The following ADAMTSL1 variants were observed in gnomAD, a reference collection of about 807,000 sequenced individuals.
ADAMTSL1 encodes the protein ADAMTS like 1.
Under a neutral mutation model 201.8 loss-of-function variants are expected in ADAMTSL1, and 126 were observed. That is an observed-to-expected ratio of 0.62 (90% CI 0.54 to 0.72). ADAMTSL1 has a LOEUF of 0.72. Ranked by LOEUF, ADAMTSL1 falls within the 30% of genes least tolerant of loss-of-function variation. ADAMTSL1 has a pLI of 0.00. For missense variants in ADAMTSL1, 2,679 were observed against 2,277.8 expected, an observed-to-expected ratio of 1.18 and a Z score of -3.59; for synonymous variants, 1,121 against 903.4, an observed-to-expected ratio of 1.24 and a Z score of -4.32.
intron 2 of ADAMTSL1, among the ~76,000 whole-genome samples, chr9:18,165,148 C>T (rs1377564052): frequency 1.3e-5 from 2 of 151,756 alleles, no homozygotes; most frequent in Admixed American, 1.3e-4. Context: ...CACATTGTCA[C>T]CTAAGTTTTA....
At chr9:18,290,288 T>TTC (rs34337755) in intron 2 of ADAMTSL1, among the ~76,000 whole-genome samples, 1 of 151,456 alleles carries the variant, frequency 6.6e-6, no homozygotes, top group African/African-American at 2.4e-5. Context: ...TAGATTTTTT[T>TTC]TTTTTTCTAG....
chr9:18,682,441 C>T (rs896614160), intron 12 of ADAMTSL1, among the ~76,000 whole-genome samples: 5 of 151,910 alleles, frequency 3.3e-5, no homozygotes, highest in African/African-American at 1.2e-4. Context: ...AGACTGAATT[C>T]CAGAACCATA....
intron 2 of ADAMTSL1, among the ~76,000 whole-genome samples, chr9:18,340,676 T>C (rs1835432715): frequency 1.3e-5 from 2 of 152,174 alleles, no homozygotes; most frequent in Admixed American, 6.5e-5. Context: ...ATTCTTGTGA[T>C]AGTGAATAAG....
chr9:18,179,079 G>A (rs188761978), intron 2 of ADAMTSL1, among the ~76,000 whole-genome samples: 197 of 152,184 alleles, frequency 1.3e-3, no homozygotes, highest in African/African-American at 4.5e-3. Flanking sequence ...AAATTACTCC[G>A]AGCTACGGGA....
chr9:18,415,715 C>CA (rs543811042), intron 2 of ADAMTSL1, among the ~76,000 whole-genome samples: 97 of 151,628 alleles, frequency 6.4e-4, no homozygotes, highest in Admixed American at 3.5e-3. Context: ...ACTCTAAGGA[C>CA]AAAAAACATG....
chr9:18,070,080 G>A (rs192085252), intron 1 of ADAMTSL1, among the ~76,000 whole-genome samples: 1 of 152,326 alleles, frequency 6.6e-6, no homozygotes, highest in African/African-American at 2.4e-5. Flanking sequence ...GCTTAGATGT[G>A]AGGCTACAGG....
At chr9:18,572,196 A>G (rs1822365880) in intron 3 of ADAMTSL1, among the ~76,000 whole-genome samples, 1 of 148,712 alleles carries the variant, frequency 6.7e-6, no homozygotes. Flanking sequence ...CTCCTTGTCA[A>G]AAAAAAAAAA....
chr9:18,905,031 G>A (rs922929989), intron 26 of ADAMTSL1, among the ~76,000 whole-genome samples: 1 of 152,112 alleles, frequency 6.6e-6, no homozygotes, highest in Non-Finnish European at 1.5e-5. Flanking sequence ...CACCCCCAGT[G>A]GAACCCTAGG....
chr9:18,566,183 A>C (rs1821879504), intron 3 of ADAMTSL1, among the ~76,000 whole-genome samples: 1 of 152,234 alleles, frequency 6.6e-6, no homozygotes, highest in South Asian at 2.1e-4. Flanking sequence ...ATATTCCATC[A>C]ATTAGAAAAC....
At chr9:18,276,025 A>T (rs1488856885) in intron 2 of ADAMTSL1, among the ~76,000 whole-genome samples, 2 of 152,160 alleles carry the variant, frequency 1.3e-5, no homozygotes, top group Non-Finnish European at 2.9e-5. Context: ...CTCTTCTGAA[A>T]GTTTCTTACT....
chr9:18,873,280 T>G (rs1055120862), intron 23 of ADAMTSL1, among the ~76,000 whole-genome samples: 2 of 152,218 alleles, frequency 1.3e-5, no homozygotes, highest in African/African-American at 4.8e-5. Flanking sequence ...TTTCCTTTGC[T>G]GTTGAGAAGC....
chr9:18,178,935 A>C (rs1243818992), intron 2 of ADAMTSL1, among the ~76,000 whole-genome samples: 1 of 152,036 alleles, frequency 6.6e-6, no homozygotes, highest in Non-Finnish European at 1.5e-5. Context: ...GAAAAAACAG[A>C]GCAGAAAAAC....
intron 1 of ADAMTSL1, among the ~76,000 whole-genome samples, chr9:17,983,046 TTTC>T (rs1818776862): frequency 6.7e-6 from 1 of 148,352 alleles, no homozygotes; most frequent in Non-Finnish European, 1.5e-5. Context: ...TTTTTTTCAT[TTTC>T]TTTTTCTTTT....
chr9:18,588,884 C>CATATATATATAT (rs754566534), intron 4 of ADAMTSL1, among the ~76,000 whole-genome samples: 160 of 122,836 alleles, frequency 1.3e-3, no homozygotes, highest in African/African-American at 4.3e-3. Context: ...TATACATATA[C>CATATATATATAT]ATATATATAT....
At chr9:18,203,201 A>G (rs1346072260) in intron 2 of ADAMTSL1, among the ~76,000 whole-genome samples, 2 of 152,174 alleles carry the variant, frequency 1.3e-5, no homozygotes, top group East Asian at 1.9e-4. Context: ...GTCTAGCACC[A>G]TATTTCATCC....
At position 18,738,990 on chromosome 9, in the gene ADAMTSL1, A is replaced by G. The variant is rs180964805; in HGVS notation, c.2007-14308A>G. On this transcript the variant is annotated intron_variant, in intron 15 of 28. Transcript: ENST00000380548. Reference sequence around the variant, plus strand: ...AAACACAATTAAGAACTCTGGAGTGAGACTACTTAGGGTCAAATCCTAGAT... The same window carrying G: ...AAACACAATTAAGAACTCTGGAGTGGGACTACTTAGGGTCAAATCCTAGAT... Among the ~76,000 whole-genome samples the G allele has an allele frequency of 3.8e-3, 584 of 152,342 alleles. 1 individual carries two copies. Among genetic ancestry groups the G allele is most frequent in the Middle Eastern group, 6.8e-3 (2 of 294 alleles).
At chr9:18,730,690 T>C (rs1818163680) in intron 15 of ADAMTSL1, among the ~76,000 whole-genome samples, 1 of 152,230 alleles carries the variant, frequency 6.6e-6, no homozygotes, top group South Asian at 2.1e-4. Flanking sequence ...TTAACACAGC[T>C]CCCAGACCTG....
chr9:18,694,276 C>T (rs1388556472), intron 13 of ADAMTSL1, among the ~76,000 whole-genome samples: 1 of 152,080 alleles, frequency 6.6e-6, no homozygotes, highest in East Asian at 1.9e-4. Flanking sequence ...TGGCCCCTCC[C>T]AAATCTCATG....
At chr9:17,970,663 G>A (rs571834789) in intron 1 of ADAMTSL1, among the ~76,000 whole-genome samples, 1 of 152,082 alleles carries the variant, frequency 6.6e-6, no homozygotes, top group Non-Finnish European at 1.5e-5. Flanking sequence ...CTTTAAGTCT[G>A]AGCTCATGCA....
Sources: gnomAD v4.1 joint callset for allele counts (sites outside exome capture counted in the v4.1 genomes callset) on GRCh38, gnomAD v4.1.1 for gene constraint, MANE v1.5 for transcripts, NCBI Gene and HGNC (gene_info 2026-07-23, HGNC 2026-07-21) for gene names.